FSTL5: variants seen among roughly 807,000 people sequenced by gnomAD.
FSTL5 encodes the protein follistatin-related protein 5.
A neutral mutation model predicts 89.1 loss-of-function variants in FSTL5; 62 were observed. The ratio of observed to expected loss-of-function variants is 0.70; its 90% confidence interval spans 0.57 to 0.86. The LOEUF (loss-of-function observed/expected upper bound fraction) is 0.86, where lower values mean the gene tolerates loss of function less well. FSTL5 is among the 40% of genes least tolerant of loss of function. The pLI is 0.00. For synonymous variants in FSTL5, 383 were observed against 346.2 expected, an observed-to-expected ratio of 1.11 and a Z score of -1.18; for missense variants, 1,057 against 1,001.6, an observed-to-expected ratio of 1.06 and a Z score of -0.75.
chr4:161,733,758 T>C (rs1293920874), intron 6 of FSTL5, among the ~76,000 whole-genome samples: 3 of 151,984 alleles, frequency 2.0e-5, no homozygotes, highest in African/African-American at 7.2e-5. Flanking sequence ...AGTACAATTA[T>C]GAAATATTTT....
intron 5 of FSTL5, among the ~76,000 whole-genome samples, 199 bp from the exon 6 acceptor site, chr4:161,759,730 A>C (rs1162624212): frequency 6.6e-6 from 1 of 152,218 alleles, no homozygotes; most frequent in African/African-American, 2.4e-5. Context: ...TATGATGTTA[A>C]GATAGGTAAT....
At chr4:161,737,763 T>C (rs1019790449) in intron 6 of FSTL5, among the ~76,000 whole-genome samples, 3 of 151,854 alleles carry the variant, frequency 2.0e-5, no homozygotes, top group Non-Finnish European at 4.4e-5. Flanking sequence ...CTTCCACTGT[T>C]GACCCCCATT....
rs765281533 is a variant in FSTL5, at chr4:161,929,660, CGTGTGT to C, written c.161-9014_161-9009del. Among the ~76,000 whole-genome samples, 451 of 126,922 alleles carry C rather than the reference CGTGTGT, an allele frequency of 3.6e-3. 1 individual carries two copies. The highest frequency in any genetic ancestry group is 8.5e-3 in the African/African-American group (281 of 33,174). 83.3% of individuals were successfully genotyped at this position (126,922 alleles called of 152,430 possible). A position where few individuals can be genotyped will look rare whatever the true frequency, so the allele number is the denominator to read the frequency against. ...CCACTCTAGCAGATGTAGGTAGGCA[CGTGTGT>C]GTGTGTGTGTGTGTGTGTGTGTGTG... On this transcript the variant is annotated intron_variant, in intron 3 of 15. Transcript: ENST00000306100.
chr4:162,021,842 CA>C (rs200388411), intron 3 of FSTL5, among the ~76,000 whole-genome samples: 13,629 of 152,054 alleles, frequency 0.09, 702 homozygotes, highest in East Asian at 0.15. Context: ...CCTGTAATCC[CA>C]GCACTTTGGG....
chr4:161,615,701 TTTGA>T (rs1256112671), intron 7 of FSTL5, among the ~76,000 whole-genome samples: 4 of 152,144 alleles, frequency 2.6e-5, no homozygotes, highest in African/African-American at 9.7e-5. Context: ...ACATGAATTG[TTTGA>T]TTGTGGGTGT....
intron 4 of FSTL5, among the ~76,000 whole-genome samples, chr4:161,833,426 T>G (rs1328024729): frequency 2.3e-5 from 3 of 128,152 alleles, no homozygotes; most frequent in African/African-American, 8.4e-5. Flanking sequence ...GTTCAATTCC[T>G]GGGTATCCTT....
At chr4:161,749,579 C>T (rs962892737) in intron 6 of FSTL5, among the ~76,000 whole-genome samples, 1 of 152,050 alleles carries the variant, frequency 6.6e-6, no homozygotes, top group African/African-American at 2.4e-5. Flanking sequence ...GGGCGGATCC[C>T]GAGGTCAGGA....
intron 3 of FSTL5, among the ~76,000 whole-genome samples, chr4:162,026,048 C>CAAAA (rs546224624): frequency 1.7e-5 from 2 of 119,120 alleles, no homozygotes; most frequent in African/African-American, 6.2e-5. Flanking sequence ...ACAGACAAAG[C>CAAAA]AAAAAAAAAA....
chr4:161,622,907 A>C (rs998231129), intron 7 of FSTL5, among the ~76,000 whole-genome samples: 9 of 152,104 alleles, frequency 5.9e-5, no homozygotes, highest in African/African-American at 1.4e-4. Context: ...GAAGGACATC[A>C]GAACAATCTA....
chr4:162,083,649 A>G (rs1452958359), intron 2 of FSTL5, among the ~76,000 whole-genome samples: 1 of 151,824 alleles, frequency 6.6e-6, no homozygotes, highest in African/African-American at 2.4e-5. Context: ...CTAGCTGGTT[A>G]CTAAATCTAG....
chr4:162,057,953 A>G (rs1273832334), intron 2 of FSTL5, among the ~76,000 whole-genome samples: 4 of 152,144 alleles, frequency 2.6e-5, no homozygotes, highest in Admixed American at 6.6e-5. Flanking sequence ...CAAAAGAATA[A>G]AAATAATAAT....
At chr4:161,457,237 A>G (rs1426320107) in intron 14 of FSTL5, among the ~76,000 whole-genome samples, 1 of 152,228 alleles carries the variant, frequency 6.6e-6, no homozygotes, top group Non-Finnish European at 1.5e-5. Flanking sequence ...ACATACACAC[A>G]TATAAACCTT....
intron 3 of FSTL5, among the ~76,000 whole-genome samples, chr4:161,945,256 C>G (rs193246816): frequency 2.0e-4 from 30 of 152,256 alleles, no homozygotes; most frequent in Middle Eastern, 3.4e-3. Flanking sequence ...GTGAATTAAG[C>G]TCCACAATGA....
intron 4 of FSTL5, among the ~76,000 whole-genome samples, chr4:161,808,477 C>A (rs1001480321): frequency 6.6e-6 from 1 of 151,942 alleles, no homozygotes; most frequent in East Asian, 1.9e-4. Flanking sequence ...TTGACTTTAC[C>A]TTTACCATAA....
chr4:162,154,256 T>A (rs532603104), intron 1 of FSTL5, among the ~76,000 whole-genome samples: 8 of 152,152 alleles, frequency 5.3e-5, no homozygotes, highest in Non-Finnish European at 8.8e-5. Context: ...TGCAATGGCT[T>A]TTTTCTGTGT....
chr4:162,046,528 A>G (rs2111242471), intron 2 of FSTL5, among the ~76,000 whole-genome samples: 1 of 152,206 alleles, frequency 6.6e-6, no homozygotes, highest in East Asian at 1.9e-4. Flanking sequence ...AGATTATATA[A>G]AAATACATTC....
chr4:161,845,714 GTTATTC>G (rs1731345314), intron 4 of FSTL5, among the ~76,000 whole-genome samples: 1 of 152,140 alleles, frequency 6.6e-6, no homozygotes, highest in Admixed American at 6.6e-5. Context: ...AATTTGTCAT[GTTATTC>G]TTAGCTGGTA....
At chr4:161,809,251 T>C (rs1189500326) in intron 4 of FSTL5, among the ~76,000 whole-genome samples, 1 of 151,912 alleles carries the variant, frequency 6.6e-6, no homozygotes, top group African/African-American at 2.4e-5. Flanking sequence ...AAATCCAAAA[T>C]ACAATGAGCT....
chr4:162,092,966 A>G (rs888719193), intron 2 of FSTL5, among the ~76,000 whole-genome samples: 8 of 151,314 alleles, frequency 5.3e-5, no homozygotes, highest in Non-Finnish European at 1.0e-4. Context: ...AAAAAAAAAA[A>G]AAAAAGAAAG....
Sources: gnomAD v4.1 joint callset for allele counts (sites outside exome capture counted in the v4.1 genomes callset) on GRCh38, gnomAD v4.1.1 for gene constraint, MANE v1.5 for transcripts, NCBI Gene and HGNC (gene_info 2026-07-23, HGNC 2026-07-21) for gene names.